The following LRCH4 variants were observed in gnomAD, a reference collection of about 807,000 sequenced individuals.
LRCH4 encodes the protein leucine rich repeats and calponin homology domain containing 4, also known as leucine-rich repeat and calponin homology domain-containing protein 4.
LRCH4 carries 56 observed loss-of-function variants against 81.2 expected under a neutral mutation model. That is an observed-to-expected ratio of 0.69 (90% CI 0.56 to 0.86). The LOEUF is 0.86. LRCH4 is among the 40% of genes least tolerant of loss of function. LRCH4 has a pLI of 0.00. For synonymous variants in LRCH4, 442 were observed against 409.7 expected (o/e 1.08, Z -0.95); for missense variants, 895 against 922.8 (o/e 0.97, Z 0.39).
rs1391175191 is a variant in LRCH4 at position 100,577,745 on chromosome 7, G to T, written c.1040-5C>A. The T allele has an allele frequency of 6.2e-7, 1 of 1,614,112 alleles. No individual in the cohort carries two copies. Among genetic ancestry groups the T allele is most frequent in the African/African-American group, 1.3e-5 (1 of 75,036 alleles). On this transcript the variant is annotated splice_region_variant and splice_polypyrimidine_tract_variant and intron_variant, in intron 8 of 17. Transcript: ENST00000310300. The surrounding 1 kb of genome is among the most constrained non-coding windows in gnomAD (Gnocchi z 6.7). ...TCTGCACAGGGTCTCCGTCCGCTGG[G>T]GAGGCCAGCATGTCAGCAAGTGAGC...
Position 100,577,839 on chromosome 7 carries a change from C to T in LRCH4, c.1022G>A (p.Arg341His), listed in dbSNP as rs368611886. ...LAREPRGPRE[R>H]KEDGSADGDP... ...CTACTCACCTGAGCCATCCTCCTTG[C>T]GTTCTCTGGGTCCCCGGGGCTCCCG... The change falls in exon 8 of 18, where the codon CGC becomes CAC. Residue 341 changes from arginine to histidine, a missense_variant. By Grantham distance (29) the Arg-to-His change is conservative. Coordinates refer to ENST00000310300, the MANE Select transcript of LRCH4 (RefSeq NM_002319.5). This position sits in a 1 kb window ranked among gnomAD's most constrained non-coding sequence, Gnocchi z 6.7. 1.2e-5 allele frequency: 19 copies of T among 1,613,134 alleles called. No individual in the cohort carries two copies. Among genetic ancestry groups the T allele is most frequent in the East Asian group, 4.5e-5 (2 of 44,858 alleles).
In LRCH4 at chr7:100,574,617, G is replaced by GGCACAC. The variant is rs1554348384; in HGVS notation, c.*489_*490insGTGTGC. The GGCACAC allele has an allele frequency of 7.3e-6, 1 of 136,878 alleles. No individual in the cohort carries two copies. Among genetic ancestry groups the GGCACAC allele is most frequent in the African/African-American group, 2.9e-5 (1 of 34,174 alleles). The allele number at this position is 136,878 out of a possible 1,614,324, so 8.5% of individuals were successfully genotyped here. On this transcript the variant is annotated 3_prime_UTR_variant, in exon 18 of 18. Transcript: ENST00000310300. ...GCCACAGCCACCAACACGCGGAGCA[G>GGCACAC]ACGCGCGCGCGCGCGCACACACACA...
chr7:100,584,796 A>T (rs1584412744), intron 1 of LRCH4: 1 of 456,588 alleles, frequency 2.2e-6, no homozygotes. Flanking sequence ...GTGAGCAGGC[A>T]CCTGCTTAGG....
chr7:100,583,956 G>A lies in LRCH4; in HGVS notation c.221-1497C>T, dbSNP rs1375170446. 4 of 354,612 alleles carry A rather than the reference G, an allele frequency of 1.1e-5. No individual in the cohort carries two copies. The highest frequency in any genetic ancestry group is 7.6e-5 in the East Asian group (1 of 13,244). 22.0% of individuals were successfully genotyped at this position (354,612 alleles called of 1,614,324 possible). ...CAGGGCACTGGGGGCACAGGATGTG[G>A]TCTGGGAGAGAATGAGCTGCACTTC... is the stretch of plus-strand genomic sequence containing the variant. On this transcript the variant is annotated intron_variant, in intron 1 of 17. Transcript: ENST00000310300. This position sits in a 1 kb window ranked among gnomAD's most constrained non-coding sequence, Gnocchi z 4.3.
At position 100,578,275 on chromosome 7, in the gene LRCH4, G is replaced by C; in HGVS notation, c.849-17C>G. On this transcript the variant is annotated splice_polypyrimidine_tract_variant and intron_variant, in intron 6 of 17. Transcript: ENST00000310300. The surrounding 1 kb of genome is among the most constrained non-coding windows in gnomAD (Gnocchi z 5.7). ...TCTGCAGGGCTGGGGCCAGCCAGGCGGATCTGGTCAGCCTGATGCTGGACA... is the reference window on the plus strand; with the variant it reads ...TCTGCAGGGCTGGGGCCAGCCAGGCCGATCTGGTCAGCCTGATGCTGGACA... 3 of 1,609,326 alleles carry C rather than the reference G, an allele frequency of 1.9e-6. No individual in the cohort carries two copies. The highest frequency in any genetic ancestry group is 1.7e-4 in the Middle Eastern group (1 of 6,052).
In LRCH4 at chr7:100,586,064, C is replaced by A. The variant is rs965954364; in HGVS notation, c.37G>T (p.Gly13Cys). The change falls in exon 1 of 18, where the codon GGT (glycine) becomes TGT (cysteine). Residue 13 changes from glycine (G) to cysteine (C), a missense_variant. Coordinates refer to ENST00000310300, the MANE Select transcript of LRCH4 (RefSeq NM_002319.5). ...AAVAAPLAAG[G>C]EEAAATTSVP... ...GAGGTCGTGGCTGCCGCCTCCTCAC[C>A]CCCGGCGGCGAGTGGAGCCGCTACG... The A allele has an allele frequency of 6.4e-7, 1 of 1,563,706 alleles. No individual in the cohort carries two copies. The highest frequency in any genetic ancestry group is 1.9e-5 in the Admixed American group (1 of 52,032).
Position 100,578,412 on chromosome 7 carries a change from T to G in LRCH4, c.835A>C (p.Ser279Arg), listed in dbSNP as rs1801437287. The G allele has an allele frequency of 6.2e-7, 1 of 1,613,668 alleles. No homozygotes were observed. Among genetic ancestry groups the G allele is most frequent in the East Asian group, 2.2e-5 (1 of 44,880 alleles). ...LGDLAPSRPP[S>R]FSPCPAEDLF... is the part of the protein sequence containing the mutation. The stretch of plus-strand genomic sequence containing the variant: ...CCTAGGACTTACCAGGGACTGAAAC[T>G]CGGGGGCCGAGAAGGGGCCAGGTCC... Residue 279 changes from serine (S) to arginine (R), a missense_variant, in exon 6 of 18, where the codon AGT becomes CGT. Physicochemically the swap from Ser to Arg is moderately radical, Grantham distance 110 (BLOSUM62 -1). Coordinates refer to ENST00000310300, the MANE Select transcript of LRCH4 (RefSeq NM_002319.5). This position sits in a 1 kb window ranked among gnomAD's most constrained non-coding sequence, Gnocchi z 5.7.
At chr7:100,581,990 T>A in intron 3 of LRCH4, 51 bp downstream of exon 3, 1 of 1,599,938 alleles carries the variant, frequency 6.3e-7, no homozygotes, top group Non-Finnish European at 8.5e-7. Context: ...CCCTAGAAGG[T>A]CCCGCTGCCT....
rs1801639079 is a variant in LRCH4 at position 100,583,980 on chromosome 7, T to C, written c.221-1521A>G. Reference sequence around the variant, plus strand: ...GGTCTGGGAGAGAATGAGCTGCACTTCTCCTTTGCAAGATGGCCCCTCCCC... The same window carrying C: ...GGTCTGGGAGAGAATGAGCTGCACTCCTCCTTTGCAAGATGGCCCCTCCCC... On this transcript the variant is annotated intron_variant, in intron 1 of 17. Coordinates refer to ENST00000310300, the MANE Select transcript of LRCH4 (RefSeq NM_002319.5). The surrounding 1 kb of genome is among the most constrained non-coding windows in gnomAD (Gnocchi z 4.3). The C allele has an allele frequency of 5.5e-6, 2 of 363,392 alleles. No homozygotes were observed. Among genetic ancestry groups the C allele is most frequent in the African/African-American group, 4.2e-5 (2 of 47,152 alleles). 22.5% of individuals were successfully genotyped at this position (363,392 alleles called of 1,614,324 possible).
chr7:100,576,329 A>T lies in LRCH4; in HGVS notation c.1553-6T>A, dbSNP rs1296797027. The T allele has an allele frequency of 6.2e-7, 1 of 1,611,286 alleles. No homozygotes were observed. The highest frequency in any genetic ancestry group is 8.5e-7 in the Non-Finnish European group (1 of 1,177,648). On this transcript the variant is annotated splice_region_variant and splice_polypyrimidine_tract_variant and intron_variant, in intron 14 of 17. Transcript: ENST00000310300. ...AGAGTCTGGTGAGGAAGGGCCTAGG[A>T]GAAAAAGGGGGGCATGGGGCTGCCT...
chr7:100,580,823 GCA>G (rs1464038293), intron 4 of LRCH4: 1 of 141,572 alleles, frequency 7.1e-6, no homozygotes, highest in Non-Finnish European at 1.6e-5. Flanking sequence ...AGACACACAT[GCA>G]CAGACACACA....
rs970636356 is a variant in LRCH4, at chr7:100,582,859, C to T, written c.221-400G>A. Among the ~76,000 whole-genome samples the T allele has an allele frequency of 6.6e-6, 1 of 152,048 alleles. No individual in the cohort carries two copies. Among genetic ancestry groups the T allele is most frequent in the African/African-American group, 2.4e-5 (1 of 41,392 alleles). On this transcript the variant is annotated intron_variant, in intron 1 of 17. Coordinates refer to ENST00000310300, the MANE Select transcript of LRCH4 (RefSeq NM_002319.5). The surrounding 1 kb of genome is among the most constrained non-coding windows in gnomAD (Gnocchi z 5.0). ...AACAGTAAGGCGAGGGGCTGGGGGGCTCCCGGAGGGAAGATGGGAAACCCC... is the reference window on the plus strand; with the variant it reads ...AACAGTAAGGCGAGGGGCTGGGGGGTTCCCGGAGGGAAGATGGGAAACCCC...
chr7:100,575,573 G>A lies in LRCH4; in HGVS notation c.1854+132C>T, dbSNP rs548334520. ...AGGGGGCATGCAGGGCAGGGGGCAT[G>A]CTGGGCAGGGCAGGGGCAGCCTGTG... On this transcript the variant is annotated intron_variant, in intron 17 of 17. Transcript: ENST00000310300. The surrounding 1 kb of genome is among the most constrained non-coding windows in gnomAD (Gnocchi z 5.3). 304 of 1,135,080 alleles carry A rather than the reference G, an allele frequency of 2.7e-4. No homozygotes were observed. The East Asian group carries it at 6.7e-3, about 25-fold the overall frequency. The allele number at this position is 1,135,080 out of a possible 1,614,324, so 70.3% of individuals were successfully genotyped here.
rs376994322 is a variant in LRCH4, at chr7:100,576,291, G to C, written c.1585C>G (p.Arg529Gly). The C allele has an allele frequency of 2.2e-5, 36 of 1,613,984 alleles. No homozygotes were observed. Among genetic ancestry groups the C allele is most frequent in the Non-Finnish European group, 3.0e-5 (35 of 1,180,008 alleles). The change falls in exon 15 of 18, where the codon CGG (arginine) becomes GGG (glycine). Residue 529 changes from arginine to glycine, a missense_variant. By Grantham distance (125) the Arg-to-Gly change is moderately radical (BLOSUM62 -2). Coordinates refer to ENST00000310300, the MANE Select transcript of LRCH4 (RefSeq NM_002319.5). ...TCATCTGGAACCTGGGGGTACCGCC[G>C]AGGTCTCAGGACAGAGTCTGGTGAG... ...PSSPDSVLRP[R>G]RYPQVPDEKD...
chr7:100,577,708 CGAT>C lies in LRCH4; in HGVS notation c.1069_1071del (p.Ile357del), dbSNP rs929885356. On this transcript the variant is annotated inframe_deletion, in exon 9 of 18. Coordinates refer to ENST00000310300, the MANE Select transcript of LRCH4 (RefSeq NM_002319.5). The surrounding 1 kb of genome is among the most constrained non-coding windows in gnomAD (Gnocchi z 6.7). ...TCATCCTCCCCGGGGACATGGCTGT[CGAT>C]GAAGTCAATCTGCACAGGGTCTCCG... The C allele has an allele frequency of 8.7e-6, 14 of 1,613,914 alleles. No individual in the cohort carries two copies. In the African/African-American group the frequency reaches 1.2e-4, roughly 14 times the overall value.
chr7:100,579,109 A>C (rs1584406641), intron 4 of LRCH4: 2 of 356,718 alleles, frequency 5.6e-6, no homozygotes, highest in Non-Finnish European at 5.2e-6. Context: ...ACTCGAACCC[A>C]CCCTCCATTT....
rs1801740172 is a variant in LRCH4, at chr7:100,586,109, G to A, written c.-9C>T. 6.6e-7 allele frequency: 1 copy of A among 1,512,584 alleles called. No homozygotes were observed. The highest frequency in any genetic ancestry group is 8.9e-7 in the Non-Finnish European group (1 of 1,126,062). The allele number at this position is 1,512,584 out of a possible 1,614,324, so 93.7% of individuals were successfully genotyped here. A position where few individuals can be genotyped will look rare whatever the true frequency, so the allele number is the denominator to read the frequency against. Reference sequence around the variant, plus strand: ...GCTACGGCCGCCGCCATCCGCTCCCGGCGGCTCCCGCTGCCTGACTGACGG... The same window carrying A: ...GCTACGGCCGCCGCCATCCGCTCCCAGCGGCTCCCGCTGCCTGACTGACGG... On this transcript the variant is annotated 5_prime_UTR_variant, in exon 1 of 18. Transcript: ENST00000310300.
At position 100,577,693 on chromosome 7, in the gene LRCH4, C is replaced by A. The variant is rs753151554; in HGVS notation, c.1087G>T (p.Gly363Trp). The A allele has an allele frequency of 6.2e-7, 1 of 1,614,012 alleles. No individual in the cohort carries two copies. The highest frequency in any genetic ancestry group is 1.1e-5 in the South Asian group (1 of 91,084). ...QIDFIDSHVPGEDEERGTVEE... is the reference protein window; with the variant it reads ...QIDFIDSHVPWEDEERGTVEE... ...ACAGTGCCTCGCTCTTCATCCTCCC[C>A]GGGGACATGGCTGTCGATGAAGTCA... Residue 363 changes from glycine to tryptophan, a missense_variant, in exon 9 of 18, where the codon GGG becomes TGG. This residue lies in a region of LRCH4 where 529 missense variants were observed against 504.9 expected (regional missense o/e 1.05). Coordinates refer to ENST00000310300, the MANE Select transcript of LRCH4 (RefSeq NM_002319.5). This position sits in a 1 kb window ranked among gnomAD's most constrained non-coding sequence, Gnocchi z 6.7.
chr7:100,575,256 G>T lies in LRCH4; in HGVS notation c.1903C>A (p.Leu635Met), dbSNP rs1391602596. 1 of 1,583,694 alleles carries T rather than the reference G, an allele frequency of 6.3e-7. No homozygotes were observed. Among genetic ancestry groups the T allele is most frequent in the East Asian group, 2.3e-5 (1 of 43,758 alleles). Residue 635 changes from leucine (L) to methionine (M), a missense_variant, in exon 18 of 18, where the codon CTG becomes ATG. Physicochemically the swap from Leu to Met is conservative, Grantham distance 15. Transcript: ENST00000310300. The surrounding 1 kb of genome is among the most constrained non-coding windows in gnomAD (Gnocchi z 5.3). ...TTCACGGCCTCCAGCGCGGTCCGCA[G>T]CCCCCGGGCAGTGCCCTGGAGGAGA... ...SDLLQGTARG[L>M]RTALEAVKRV...
Sources: allele counts gnomAD v4.1 joint callset (sites outside exome capture counted in the v4.1 genomes callset), GRCh38; gene constraint gnomAD v4.1.1; regional missense constraint gnomAD v4.1.1; non-coding constraint Gnocchi (gnomAD v3.1); transcripts MANE v1.5; gene names NCBI Gene and HGNC (gene_info 2026-07-23, HGNC 2026-07-21).